The following OR2AJ1 variants were observed in gnomAD, a reference collection of about 807,000 sequenced individuals.
OR2AJ1 encodes olfactory receptor family 2 subfamily AJ member 1, also known as olfactory receptor 2AJ1.
For missense variants in OR2AJ1, 280 were observed against 163.2 expected (o/e 1.72, Z -3.90); for synonymous variants, 105 against 60.3 (o/e 1.74, Z -3.44).
intron 1 of OR2AJ1, among the ~76,000 whole-genome samples, chr1:247,931,421 T>C (rs1184075429): frequency 6.6e-6 from 1 of 152,218 alleles, no homozygotes; most frequent in African/African-American, 2.4e-5. Context: ...ATACACTTTC[T>C]TGAATCATTC....
At chr1:247,930,552 A>G (rs1660140475) in intron 1 of OR2AJ1, among the ~76,000 whole-genome samples, 1 of 152,214 alleles carries the variant, frequency 6.6e-6, no homozygotes, top group Non-Finnish European at 1.5e-5. Context: ...TTTGCACAGT[A>G]AACAGATAGG....
Position 247,934,292 on chromosome 1 carries a change from A to G in OR2AJ1, c.524A>G (p.Asp175Gly). 1.4e-6 allele frequency: 1 copy of G among 736,244 alleles called. No homozygotes were observed. The highest frequency in any genetic ancestry group is 2.5e-6 in the Non-Finnish European group (1 of 395,288). 45.6% of individuals were successfully genotyped at this position (736,244 alleles called of 1,614,324 possible). ...QFPFCGSRAI[D>G]HFFCEVPAML... ...CCCTTCTGTGGCTCTAGGGCAATTGATCACTTCTTCTGTGAAGTCCCTGCC... is the reference window on the plus strand; with the variant it reads ...CCCTTCTGTGGCTCTAGGGCAATTGGTCACTTCTTCTGTGAAGTCCCTGCC... Residue 175 changes from aspartate to glycine, a missense_variant, in exon 2 of 2, where the codon GAT becomes GGT. Physicochemically the swap from Asp to Gly is moderately conservative, Grantham distance 94. Transcript: ENST00000318244.
Position 247,934,336 on chromosome 1 carries a change from G to A in OR2AJ1, c.568G>A (p.Ala190Thr). ...EVPAMLKLSC[A>T]DTTRYERGVC... ...CCCTGCCATGTTGAAGTTGTCCTGTGCAGACACAACACGCTATGAACGAGG... is the reference window on the plus strand; with the variant it reads ...CCCTGCCATGTTGAAGTTGTCCTGTACAGACACAACACGCTATGAACGAGG... Residue 190 changes from alanine to threonine, a missense_variant, in exon 2 of 2, where the codon GCA becomes ACA. Transcript: ENST00000318244. 1 of 736,708 alleles carries A rather than the reference G, an allele frequency of 1.4e-6. No homozygotes were observed. Among genetic ancestry groups the A allele is most frequent in the East Asian group, 2.6e-5 (1 of 38,900 alleles). The allele number at this position is 736,708 out of a possible 1,614,324, so 45.6% of individuals were successfully genotyped here.
At chr1:247,932,926 C>A (rs1404361419) in intron 1 of OR2AJ1, among the ~76,000 whole-genome samples, 4 of 152,126 alleles carry the variant, frequency 2.6e-5, no homozygotes, top group South Asian at 4.1e-4. Context: ...GTTAACCAAA[C>A]ACGTAAATAT....
chr1:247,929,622 G>GTGTA (rs1487351211), intron 1 of OR2AJ1, among the ~76,000 whole-genome samples: 7 of 151,960 alleles, frequency 4.6e-5, no homozygotes, highest in African/African-American at 1.7e-4. Flanking sequence ...GTGTGTGTGT[G>GTGTA]TGTGTGTGTT....
chr1:247,929,754 A>G (rs1350386806), intron 1 of OR2AJ1, among the ~76,000 whole-genome samples: 1 of 152,164 alleles, frequency 6.6e-6, no homozygotes, highest in Non-Finnish European at 1.5e-5. Context: ...TATTTCAGAT[A>G]TAATTTCATA....
chr1:247,925,902 T>C (rs756558121), intron 1 of OR2AJ1, among the ~76,000 whole-genome samples: 21 of 152,228 alleles, frequency 1.4e-4, no homozygotes, highest in Admixed American at 5.9e-4. Context: ...AGGTTTTCTA[T>C]TCCCAGATCA....
chr1:247,927,942 G>A (rs1416670140), intron 1 of OR2AJ1, among the ~76,000 whole-genome samples: 2 of 152,150 alleles, frequency 1.3e-5, no homozygotes, highest in Non-Finnish European at 2.9e-5. Context: ...ACATGTAGTT[G>A]ATTCCATATC....
chr1:247,928,532 TC>T (rs1344685821), intron 1 of OR2AJ1, among the ~76,000 whole-genome samples: 3 of 152,328 alleles, frequency 2.0e-5, no homozygotes, highest in African/African-American at 7.2e-5. Context: ...TGTGTTTCTA[TC>T]TTGTTGCCTG....
At chr1:247,933,631 T>G (rs1660176965) in intron 1 of OR2AJ1, 116 bp from the exon 2 acceptor site, 1 of 477,252 alleles carries the variant, frequency 2.1e-6, no homozygotes, top group Non-Finnish European at 3.7e-6. Context: ...AGTATTTTGA[T>G]GTTGATTACA....
chr1:247,928,087 A>G (rs986765231), intron 1 of OR2AJ1, among the ~76,000 whole-genome samples: 3 of 152,148 alleles, frequency 2.0e-5, no homozygotes, highest in Non-Finnish European at 2.9e-5. Context: ...TTTTAGTTTC[A>G]TAGTGTTCTT....
rs1398137127 is a variant in OR2AJ1 at position 247,931,956 on chromosome 1, C to CGATCAGCTCATGCAGG, written c.-22-1789_-22-1774dup. Among the ~76,000 whole-genome samples, 3 of 152,164 alleles carry CGATCAGCTCATGCAGG rather than the reference C, an allele frequency of 2.0e-5. No homozygotes were observed. The East Asian group carries it at 5.8e-4, about 29-fold the overall frequency. On this transcript the variant is annotated intron_variant, in intron 1 of 1. Transcript: ENST00000318244. The stretch of plus-strand genomic sequence containing the variant: ...TTTATTGATTTTGTAAATTTATTTA[C>CGATCAGCTCATGCAGG]GATCAGCTCATGCAGGGCACCACTG...
rs1244613565 is a variant in OR2AJ1, at chr1:247,934,779, G to A, written c.*24G>A. The A allele has an allele frequency of 3.1e-6, 2 of 645,352 alleles. No individual in the cohort carries two copies. Among genetic ancestry groups the A allele is most frequent in the East Asian group, 5.4e-5 (2 of 36,876 alleles). The allele number at this position is 645,352 out of a possible 1,614,324, so 40.0% of individuals were successfully genotyped here. On this transcript the variant is annotated 3_prime_UTR_variant, in exon 2 of 2. Transcript: ENST00000318244. Reference sequence around the variant, plus strand: ...AAATGCCTGAAGGATACTCATGAGAGGTTTCCTAGAAAGAAATCAAAGCTT... The same window carrying A: ...AAATGCCTGAAGGATACTCATGAGAAGTTTCCTAGAAAGAAATCAAAGCTT...
chr1:247,928,765 A>C (rs903818881), intron 1 of OR2AJ1, among the ~76,000 whole-genome samples: 23 of 152,120 alleles, frequency 1.5e-4, no homozygotes, highest in Non-Finnish European at 4.4e-5. Context: ...TTACAGGAAC[A>C]TTTCAGGAAC....
chr1:247,929,919 C>A (rs886251935), intron 1 of OR2AJ1, among the ~76,000 whole-genome samples: 1 of 152,052 alleles, frequency 6.6e-6, no homozygotes, highest in African/African-American at 2.4e-5. Context: ...AATTCCTGGG[C>A]TAGGTAACAT....
chr1:247,925,654 T>C (rs1291354543), intron 1 of OR2AJ1, among the ~76,000 whole-genome samples: 1 of 152,190 alleles, frequency 6.6e-6, no homozygotes, highest in Non-Finnish European at 1.5e-5. Flanking sequence ...AAATGCAAAG[T>C]TGTGGTTACA....
intron 1 of OR2AJ1, among the ~76,000 whole-genome samples, chr1:247,928,866 G>A (rs7544632): frequency 1.3e-5 from 2 of 152,218 alleles, no homozygotes; most frequent in South Asian, 4.1e-4. Flanking sequence ...AGGCCGAGGC[G>A]GGCGGATCAC....
Position 247,934,748 on chromosome 1 carries a change from T to C in OR2AJ1, c.980T>C (p.Leu327Pro). ...KIPECVFCLF[L>P]C ...CCTGAATGTGTGTTCTGTCTATTTC[T>C]ATGTTAAATGCCTGAAGGATACTCA... The change falls in exon 2 of 2, where the codon CTA becomes CCA. Residue 327 changes from leucine to proline, a missense_variant. Coordinates refer to ENST00000318244, the MANE Select transcript of OR2AJ1 (RefSeq NM_001355235.2). The C allele has an allele frequency of 1.4e-6, 1 of 698,780 alleles. No individual in the cohort carries two copies. The highest frequency in any genetic ancestry group is 2.1e-5 in the Admixed American group (1 of 48,478). 43.3% of individuals were successfully genotyped at this position (698,780 alleles called of 1,614,324 possible).
chr1:247,928,622 A>T (rs941667683), intron 1 of OR2AJ1, among the ~76,000 whole-genome samples: 1 of 152,128 alleles, frequency 6.6e-6, no homozygotes, highest in Non-Finnish European at 1.5e-5. Flanking sequence ...ATCATTTTTA[A>T]TTTCTTCATA....
Sources: gnomAD v4.1 joint callset for allele counts (sites outside exome capture counted in the v4.1 genomes callset) on GRCh38, gnomAD v4.1.1 for gene constraint, MANE v1.5 for transcripts, NCBI Gene and HGNC (gene_info 2026-07-23, HGNC 2026-07-21) for gene names.